The following UNC13B variants were observed in gnomAD, a reference collection of about 807,000 sequenced individuals.
UNC13B encodes the protein protein unc-13 homolog B.
In UNC13B, 144 loss-of-function variants were observed where a neutral mutation model predicts 211.0. That is an observed-to-expected ratio of 0.68 (90% CI 0.60 to 0.78). The LOEUF (loss-of-function observed/expected upper bound fraction) is 0.78. Among genes scored for constraint, UNC13B ranks in the 30% least tolerant of loss-of-function variants. The pLI, the probability that UNC13B is intolerant of heterozygous loss-of-function variation, is 0.00. For missense variants in UNC13B, 1,777 were observed against 2,002.0 expected (o/e 0.89, Z 2.14); for synonymous variants, 709 against 725.8 (o/e 0.98, Z 0.37).
chr9:35,189,137 T>G (rs117700335), intron 1 of UNC13B, among the ~76,000 whole-genome samples: 11 of 152,352 alleles, frequency 7.2e-5, no homozygotes, highest in Admixed American at 3.3e-4. Flanking sequence ...GGGCAAAATT[T>G]ACATTTCCAT....
At chr9:35,186,036 C>T (rs1484749502) in intron 1 of UNC13B, among the ~76,000 whole-genome samples, 1 of 152,120 alleles carries the variant, frequency 6.6e-6, no homozygotes, top group Non-Finnish European at 1.5e-5. Flanking sequence ...TGAAAAACTA[C>T]TTCAGGGCAT....
In UNC13B at chr9:35,301,577, A is replaced by G. The variant is rs549188094; in HGVS notation, c.2173A>G (p.Ser725Gly). 5.3e-5 allele frequency: 21 copies of G among 398,926 alleles called. No individual in the cohort carries two copies. Among genetic ancestry groups the G allele is most frequent in the African/African-American group, 3.7e-4 (18 of 48,764 alleles). The allele number at this position is 398,926 out of a possible 1,614,324, so 24.7% of individuals were successfully genotyped here. A position where few individuals can be genotyped will look rare whatever the true frequency, so the allele number is the denominator to read the frequency against. ...ETTGWFQMPT[S>G]ENLLSSQVTS... ...TACGGGCTGGTTCCAGATGCCCACA[A>G]GTGAGAATTTGTTGTCCTCCCAAGT... is the stretch of plus-strand genomic sequence containing the variant. The change falls in exon 9 of 40, where the codon AGT becomes GGT. Residue 725 changes from serine to glycine, a missense_variant. Transcript: ENST00000635942.
At position 35,303,411 on chromosome 9, in the gene UNC13B, A is replaced by G. The variant is rs1023259719; in HGVS notation, c.4007A>G (p.Asn1336Ser). 2.5e-6 allele frequency: 1 copy of G among 398,654 alleles called. No individual in the cohort carries two copies. Among genetic ancestry groups the G allele is most frequent in the Non-Finnish European group, 4.4e-6 (1 of 225,832 alleles). 24.7% of individuals were successfully genotyped at this position (398,654 alleles called of 1,614,324 possible). A position where few individuals can be genotyped will look rare whatever the true frequency, so the allele number is the denominator to read the frequency against. ...TTAAATTCACCTGTACTAAATACCAACATTCTCAATAAATCAAACAACTAT... is the reference window on the plus strand; with the variant it reads ...TTAAATTCACCTGTACTAAATACCAGCATTCTCAATAAATCAAACAACTAT... ...NKLNSPVLNT[N>S]ILNKSNNYQA... Residue 1336 changes from asparagine to serine, a missense_variant, in exon 9 of 40, where the codon AAC becomes AGC. Physicochemically the swap from Asn to Ser is conservative, Grantham distance 46. Transcript: ENST00000635942.
At chr9:35,389,714 T>G (rs1587754176) in intron 24 of UNC13B, 132 bp from the exon 25 acceptor site, 1 of 919,046 alleles carries the variant, frequency 1.1e-6, no homozygotes, top group East Asian at 2.5e-5. Context: ...AGACAGGCTC[T>G]AGGAGAGGAA....
chr9:35,306,594 A>G lies in UNC13B; in HGVS notation c.7190A>G (p.Gln2397Arg), dbSNP rs1161524075. The G allele has an allele frequency of 2.5e-6, 1 of 399,006 alleles. No individual in the cohort carries two copies. 24.7% of individuals were successfully genotyped at this position (399,006 alleles called of 1,614,324 possible). A position where few individuals can be genotyped will look rare whatever the true frequency, so the allele number is the denominator to read the frequency against. Residue 2397 changes from glutamine (Q) to arginine (R), a missense_variant, in exon 9 of 40, where the codon CAA becomes CGA. Coordinates refer to ENST00000635942, the MANE Select transcript of UNC13B (RefSeq NM_001371189.2). ...NDLDTCTNCH[Q>R]NEKFTTDPVN... ...TTAGACACTTGTACTAACTGCCACCAAAATGAGAAATTTACTACTGACCCA... is the reference window on the plus strand; with the variant it reads ...TTAGACACTTGTACTAACTGCCACCGAAATGAGAAATTTACTACTGACCCA...
chr9:35,194,747 T>C (rs1204140956), intron 1 of UNC13B, among the ~76,000 whole-genome samples: 1 of 152,226 alleles, frequency 6.6e-6, no homozygotes, highest in Non-Finnish European at 1.5e-5. Flanking sequence ...CTTGGTATCC[T>C]GAGTGAGCAC....
intron 26 of UNC13B, among the ~76,000 whole-genome samples, chr9:35,392,249 G>A (rs897051330): frequency 6.6e-6 from 1 of 152,190 alleles, no homozygotes; most frequent in Non-Finnish European, 1.5e-5. Context: ...AGGCTCTTGA[G>A]CAGAGATGCA....
At chr9:35,293,278 C>T (rs1829184395) in intron 7 of UNC13B, among the ~76,000 whole-genome samples, 2 of 152,066 alleles carry the variant, frequency 1.3e-5, no homozygotes, top group Non-Finnish European at 2.9e-5. Flanking sequence ...TCTGTTTAGC[C>T]TAGCAAAATA....
intron 11 of UNC13B, among the ~76,000 whole-genome samples, chr9:35,321,417 A>G (rs997699171): frequency 2.0e-5 from 3 of 151,852 alleles, no homozygotes; most frequent in South Asian, 4.2e-4. Flanking sequence ...GAGTCTTCCT[A>G]TGTTGCCCAG....
chr9:35,386,803 G>A (rs148226913), intron 24 of UNC13B, among the ~76,000 whole-genome samples: 2 of 152,232 alleles, frequency 1.3e-5, no homozygotes, highest in East Asian at 3.9e-4. Context: ...ATCCTTCTGT[G>A]AGGCTGAGCT....
At chr9:35,205,520 A>C (rs1823593696) in intron 1 of UNC13B, among the ~76,000 whole-genome samples, 1 of 152,220 alleles carries the variant, frequency 6.6e-6, no homozygotes, top group Non-Finnish European at 1.5e-5. Flanking sequence ...CCTCTTAGCC[A>C]TTAGCAATCA....
chr9:35,290,823 G>T (rs1829062572), intron 7 of UNC13B, among the ~76,000 whole-genome samples: 2 of 152,054 alleles, frequency 1.3e-5, no homozygotes, highest in South Asian at 4.2e-4. Context: ...GTTGTTCTGT[G>T]GGTTTTTTGG....
intron 6 of UNC13B, among the ~76,000 whole-genome samples, chr9:35,254,370 A>G (rs1181928506): frequency 6.6e-6 from 1 of 152,168 alleles, no homozygotes; most frequent in Non-Finnish European, 1.5e-5. Context: ...GTTCATAGAC[A>G]GCACCCTGCT....
At chr9:35,237,637 C>A in intron 4 of UNC13B, 66 bp from the exon 5 acceptor site, 1 of 1,581,618 alleles carries the variant, frequency 6.3e-7, no homozygotes, top group African/African-American at 1.4e-5. Flanking sequence ...GAGAAAAAAA[C>A]CTGACTCTTG....
At chr9:35,205,944 G>A (rs1381626927) in intron 1 of UNC13B, among the ~76,000 whole-genome samples, 1 of 152,128 alleles carries the variant, frequency 6.6e-6, no homozygotes, top group East Asian at 1.9e-4. Context: ...AGTACTTTGG[G>A]AGGCTGAGGT....
intron 8 of UNC13B, among the ~76,000 whole-genome samples, chr9:35,296,357 G>A (rs1388228128): frequency 6.6e-6 from 1 of 152,158 alleles, no homozygotes; most frequent in Admixed American, 6.5e-5. Context: ...AGCAGATTCA[G>A]TATTTTTACT....
intron 1 of UNC13B, among the ~76,000 whole-genome samples, chr9:35,191,074 C>G (rs370066604): frequency 6.6e-6 from 1 of 152,098 alleles, no homozygotes; most frequent in East Asian, 1.9e-4. Flanking sequence ...ATTCTCCTGC[C>G]TCAGCCTCCC....
chr9:35,344,231 G>A (rs1419307552), intron 11 of UNC13B, among the ~76,000 whole-genome samples: 1 of 152,138 alleles, frequency 6.6e-6, no homozygotes, highest in Admixed American at 6.5e-5. Context: ...GGCAGAGACC[G>A]GTGCTGCCAT....
chr9:35,297,664 C>G (rs957540213), intron 8 of UNC13B, among the ~76,000 whole-genome samples: 1 of 151,420 alleles, frequency 6.6e-6, no homozygotes, highest in Non-Finnish European at 1.5e-5. Flanking sequence ...ATTCTCCTGC[C>G]TCAGCCTCCC....
Sources: allele counts gnomAD v4.1 joint callset (sites outside exome capture counted in the v4.1 genomes callset), GRCh38; gene constraint gnomAD v4.1.1; transcripts MANE v1.5; gene names NCBI Gene and HGNC (gene_info 2026-07-23, HGNC 2026-07-21).